Variants in CHN2 observed in about 807,000 individuals in gnomAD.
CHN2 encodes chimerin 2, also known as beta-chimaerin.
CHN2 carries 35 observed loss-of-function variants against 56.3 expected under a neutral mutation model. The ratio of observed to expected loss-of-function variants is 0.62; its 90% CI spans 0.47 to 0.82. The LOEUF is 0.82. Ranked by LOEUF, CHN2 falls within the 40% of genes least tolerant of loss-of-function variation. CHN2 has a pLI of 0.00. For missense variants in CHN2, 491 were observed against 580.5 expected (o/e 0.85, Z 1.58); for synonymous variants, 210 against 212.8 (o/e 0.99, Z 0.12).
intron 1 of CHN2, among the ~76,000 whole-genome samples, chr7:29,220,993 G>C (rs139224014): frequency 2.6e-5 from 4 of 152,114 alleles, no homozygotes; most frequent in African/African-American, 9.7e-5. Context: ...TCAAAGCCTC[G>C]TTAAAAGAAT....
chr7:29,404,426 A>G (rs1263955205), intron 6 of CHN2, among the ~76,000 whole-genome samples: 1 of 152,204 alleles, frequency 6.6e-6, no homozygotes, highest in Non-Finnish European at 1.5e-5. Flanking sequence ...TAATAAAAGC[A>G]CATTTAAGAA....
rs138359961 is a variant in CHN2 at position 29,295,373 on chromosome 7, T to A, written c.50-59252T>A. ...GATTATAAACCCATTGAGGGCAAGA[T>A]TATATCATACTTTTTTGGTATTTTC... On this transcript the variant is annotated intron_variant, in intron 1 of 12. Coordinates refer to ENST00000222792, the MANE Select transcript of CHN2 (RefSeq NM_004067.4). Among the ~76,000 whole-genome samples the A allele has an allele frequency of 3.4e-3, 492 of 144,960 alleles. 3 individuals are homozygous for A. The highest frequency in any genetic ancestry group is 0.012 in the African/African-American group (472 of 38,726).
intron 10 of CHN2, among the ~76,000 whole-genome samples, chr7:29,506,301 C>T (rs190232683): frequency 6.6e-6 from 1 of 152,122 alleles, no homozygotes; most frequent in African/African-American, 2.4e-5. Flanking sequence ...CAATAAATAC[C>T]AGATACATTA....
chr7:29,488,468 C>T (rs769570650), intron 7 of CHN2, among the ~76,000 whole-genome samples: 19 of 152,144 alleles, frequency 1.2e-4, no homozygotes, highest in Non-Finnish European at 2.6e-4. Context: ...ACCTCCAGAA[C>T]CCAGCCACAT....
intron 1 of CHN2, among the ~76,000 whole-genome samples, chr7:29,283,922 C>CTTTTTTTTTTTTTTT (rs70980520): frequency 1.4e-5 from 1 of 69,956 alleles, no homozygotes; most frequent in Non-Finnish European, 2.6e-5. Flanking sequence ...CAGCCAAGCT[C>CTTTTTTTTTTTTTTT]TTTTTTTTTT....
intron 1 of CHN2, among the ~76,000 whole-genome samples, chr7:29,354,396 G>A (rs1174821076): frequency 6.6e-6 from 1 of 152,098 alleles, no homozygotes; most frequent in Non-Finnish European, 1.5e-5. Flanking sequence ...AAATTGTTAA[G>A]CAATTGATCT....
At chr7:29,502,251 C>T (rs1177841698) in intron 9 of CHN2, among the ~76,000 whole-genome samples, 1 of 152,112 alleles carries the variant, frequency 6.6e-6, no homozygotes, top group Non-Finnish European at 1.5e-5. Flanking sequence ...CAGGAGCAGT[C>T]CAGGAATAGT....
At chr7:29,365,861 A>T (rs1302674812) in intron 2 of CHN2, among the ~76,000 whole-genome samples, 1 of 152,198 alleles carries the variant, frequency 6.6e-6, no homozygotes, top group East Asian at 1.9e-4. Flanking sequence ...GCCACCAGGG[A>T]AAAAACAGGC....
chr7:29,422,136 G>A lies in CHN2; in HGVS notation c.576+21308G>A, dbSNP rs559111532. ...TCATGTATTTGTGTTAGTTTTCCAAGTGAGGATTTTTTTAATGACTTTCTC... is the reference window on the plus strand; with the variant it reads ...TCATGTATTTGTGTTAGTTTTCCAAATGAGGATTTTTTTAATGACTTTCTC... On this transcript the variant is annotated intron_variant, in intron 6 of 12. Coordinates refer to ENST00000222792, the MANE Select transcript of CHN2 (RefSeq NM_004067.4). Among the ~76,000 whole-genome samples the A allele has an allele frequency of 3.9e-5, 6 of 152,286 alleles. No homozygotes were observed. In the South Asian group the frequency reaches 1.2e-3, roughly 32 times the overall value.
intron 2 of CHN2, among the ~76,000 whole-genome samples, chr7:29,161,611 G>T (rs1584489112): frequency 6.6e-6 from 1 of 152,270 alleles, no homozygotes; most frequent in Middle Eastern, 3.4e-3. Context: ...CTGCTATTCA[G>T]TAGGTAACCA....
At chr7:29,159,134 A>G (rs1021094613) in intron 2 of CHN2, among the ~76,000 whole-genome samples, 1 of 152,216 alleles carries the variant, frequency 6.6e-6, no homozygotes, top group Non-Finnish European at 1.5e-5. Context: ...GAGCCCTCCC[A>G]GAGCCAGTGA....
At chr7:29,301,342 TACACACACACACAC>T (rs10570363) in intron 1 of CHN2, among the ~76,000 whole-genome samples, 1,599 of 141,702 alleles carry the variant, frequency 0.011, 11 homozygotes, top group Non-Finnish European at 0.018. Flanking sequence ...CTCAAACAGG[TACACACACACACAC>T]ACACACACAC....
intron 3 of CHN2, among the ~76,000 whole-genome samples, chr7:29,369,704 GATTATCCTCTTACA>G (rs1799457599): frequency 6.6e-6 from 1 of 152,144 alleles, no homozygotes; most frequent in African/African-American, 2.4e-5. Flanking sequence ...AGGCGATTCG[GATTATCCTCTTACA>G]AACTCTTCCT....
chr7:29,476,561 TAA>T (rs34518690), intron 6 of CHN2, among the ~76,000 whole-genome samples: 98,009 of 148,986 alleles, frequency 0.66, 32,287 homozygotes, highest in East Asian at 0.77. Flanking sequence ...CAATAAAAAT[TAA>T]AAAAAAAAAA....
intron 1 of CHN2, among the ~76,000 whole-genome samples, chr7:29,354,058 T>C (rs759037976): frequency 1.3e-4 from 20 of 152,246 alleles, no homozygotes; most frequent in Non-Finnish European, 2.6e-4. Flanking sequence ...CTCAGAGGTT[T>C]CTGGAAATTT....
intron 1 of CHN2, among the ~76,000 whole-genome samples, chr7:29,301,779 TATC>T (rs1177479370): frequency 6.6e-6 from 1 of 152,242 alleles, no homozygotes; most frequent in Admixed American, 6.5e-5. Context: ...AAGTGCTTGT[TATC>T]ATGGTGGTAG....
intron 3 of CHN2, among the ~76,000 whole-genome samples, chr7:29,370,849 G>C (rs898227716): frequency 6.6e-6 from 1 of 152,180 alleles, no homozygotes; most frequent in South Asian, 2.1e-4. Context: ...CAAGGGTACA[G>C]ACTGATTCAG....
At chr7:29,459,906 G>C (rs913083859) in intron 6 of CHN2, among the ~76,000 whole-genome samples, 19 of 152,152 alleles carry the variant, frequency 1.2e-4, no homozygotes, top group Non-Finnish European at 2.1e-4. Flanking sequence ...GGAGCAGGAC[G>C]GGGAGGAGGC....
intron 1 of CHN2, among the ~76,000 whole-genome samples, chr7:29,315,020 T>C (rs971884852): frequency 2.0e-5 from 3 of 152,162 alleles, no homozygotes; most frequent in African/African-American, 7.2e-5. Context: ...GTAGAAGAGT[T>C]AACCTTACTG....
Sources: gnomAD v4.1 joint callset for allele counts (sites outside exome capture counted in the v4.1 genomes callset) on GRCh38, gnomAD v4.1.1 for gene constraint, MANE v1.5 for transcripts, NCBI Gene and HGNC (gene_info 2026-07-23, HGNC 2026-07-21) for gene names.